DLG2: variants seen among roughly 807,000 people sequenced by gnomAD.
The protein encoded by DLG2 is disks large homolog 2.
In DLG2, 45 loss-of-function variants were observed where a neutral mutation model predicts 132.5. That is an observed-to-expected ratio of 0.34 (90% CI 0.27 to 0.44). DLG2 has a LOEUF of 0.44. DLG2 is among the 20% of genes least tolerant of loss of function. DLG2 has a pLI of 1.00. For synonymous variants in DLG2, 424 were observed against 419.6 expected, an observed-to-expected ratio of 1.01 and a Z score of -0.13; for missense variants, 1,045 against 1,196.9, an observed-to-expected ratio of 0.87 and a Z score of 1.87.
At chr11:84,999,986 A>G (rs2154130138) in intron 6 of DLG2, among the ~76,000 whole-genome samples, 1 of 137,680 alleles carries the variant, frequency 7.3e-6, no homozygotes, top group South Asian at 2.4e-4. Context: ...TCTTTACAAA[A>G]GATCTTAAAT....
At chr11:83,882,438 AG>A (rs1397684248) in intron 15 of DLG2, among the ~76,000 whole-genome samples, 1 of 151,458 alleles carries the variant, frequency 6.6e-6, no homozygotes, top group Admixed American at 6.6e-5. Flanking sequence ...ATAAGTATGA[AG>A]AAAAACATTA....
chr11:85,192,728 A>G (rs1238248000), intron 4 of DLG2, among the ~76,000 whole-genome samples: 3 of 152,142 alleles, frequency 2.0e-5, no homozygotes, highest in African/African-American at 7.2e-5. Context: ...TCTCAGATTC[A>G]TTGTCCCGTA....
chr11:84,928,982 G>GTGTGTGTGTGTATATATATA (rs1400906684), intron 6 of DLG2, among the ~76,000 whole-genome samples: 10 of 49,112 alleles, frequency 2.0e-4, no homozygotes, highest in African/African-American at 3.6e-4. Flanking sequence ...GTGTGTGTGT[G>GTGTGTGTGTGTATATATATA]TATATATATA....
chr11:84,188,836 C>T (rs1312210477), intron 8 of DLG2, among the ~76,000 whole-genome samples: 3 of 152,082 alleles, frequency 2.0e-5, no homozygotes, highest in African/African-American at 7.2e-5. Flanking sequence ...AAAGGGAGGA[C>T]AGTCTGTAGC....
chr11:85,451,967 T>A (rs2092262925), intron 3 of DLG2, among the ~76,000 whole-genome samples: 1 of 152,154 alleles, frequency 6.6e-6, no homozygotes, highest in South Asian at 2.1e-4. Context: ...GTAGCTGAAA[T>A]TTCTTTTTTT....
chr11:84,034,986 G>A (rs530905912), intron 11 of DLG2, among the ~76,000 whole-genome samples: 2 of 152,014 alleles, frequency 1.3e-5, no homozygotes, highest in South Asian at 2.1e-4. Flanking sequence ...AGGTGAACAC[G>A]GCTTAAGAGA....
At chr11:84,720,096 T>C (rs1256477712) in intron 6 of DLG2, among the ~76,000 whole-genome samples, 1 of 152,136 alleles carries the variant, frequency 6.6e-6, no homozygotes, top group African/African-American at 2.4e-5. Flanking sequence ...CCCATCACCA[T>C]TGAGTTATGA....
intron 18 of DLG2, among the ~76,000 whole-genome samples, chr11:83,736,643 T>G (rs919516666): frequency 2.0e-5 from 3 of 152,202 alleles, no homozygotes; most frequent in Non-Finnish European, 4.4e-5. Flanking sequence ...TGTGTATGAT[T>G]TGTTGCTCTG....
At chr11:84,748,158 C>G (rs1391438660) in intron 6 of DLG2, among the ~76,000 whole-genome samples, 3 of 152,158 alleles carry the variant, frequency 2.0e-5, no homozygotes, top group Non-Finnish European at 4.4e-5. Flanking sequence ...GACAGGAAAT[C>G]ATGTGTGAGA....
intron 6 of DLG2, among the ~76,000 whole-genome samples, chr11:84,814,299 C>T (rs1193649432): frequency 6.6e-6 from 1 of 152,036 alleles, no homozygotes; most frequent in Non-Finnish European, 1.5e-5. Context: ...GAGAAAGTCG[C>T]TATCGGGACC....
chr11:85,403,168 A>G (rs911869065), intron 3 of DLG2, among the ~76,000 whole-genome samples: 1 of 152,216 alleles, frequency 6.6e-6, no homozygotes, highest in Admixed American at 6.6e-5. Context: ...AGCCATAAAA[A>G]TGGATGAGTT....
rs576177846 is a variant in DLG2, at chr11:83,737,342, G to A, written c.1825+49348C>T. 9.9e-5 allele frequency among the ~76,000 whole-genome samples: 15 copies of A among 152,266 alleles called. No individual in the cohort carries two copies. The South Asian group carries it at 3.1e-3, about 32-fold the overall frequency. ...ACATTCTCATAAAGAAAAAGTGAGTGGAGGAGAAAAGCAATTAATCAGACA... is the reference window on the plus strand; with the variant it reads ...ACATTCTCATAAAGAAAAAGTGAGTAGAGGAGAAAAGCAATTAATCAGACA... On this transcript the variant is annotated intron_variant, in intron 18 of 27. Coordinates refer to ENST00000376104, the MANE Select transcript of DLG2 (RefSeq NM_001142699.3).
chr11:84,522,954 C>T (rs990649304), intron 7 of DLG2, among the ~76,000 whole-genome samples: 1 of 152,106 alleles, frequency 6.6e-6, no homozygotes, highest in Non-Finnish European at 1.5e-5. Flanking sequence ...CAAAATGTCC[C>T]CAACTCATTT....
At chr11:85,343,977 T>A (rs570398753) in intron 3 of DLG2, among the ~76,000 whole-genome samples, 1 of 152,262 alleles carries the variant, frequency 6.6e-6, no homozygotes, top group African/African-American at 2.4e-5. Flanking sequence ...AAAAAGTGGA[T>A]GTGAAGGAAG....
At chr11:85,582,491 G>A (rs908846606) in intron 3 of DLG2, among the ~76,000 whole-genome samples, 4 of 151,620 alleles carry the variant, frequency 2.6e-5, no homozygotes, top group African/African-American at 9.7e-5. Flanking sequence ...ACAAAATAAT[G>A]ATGATAATCC....
intron 3 of DLG2, among the ~76,000 whole-genome samples, chr11:85,292,836 A>G (rs1393358721): frequency 6.6e-6 from 1 of 152,014 alleles, no homozygotes; most frequent in African/African-American, 2.4e-5. Flanking sequence ...ATTTTCCTCT[A>G]TTAAAAAGAA....
chr11:85,245,360 T>C (rs181079138), intron 4 of DLG2, among the ~76,000 whole-genome samples: 1 of 152,150 alleles, frequency 6.6e-6, no homozygotes, highest in East Asian at 1.9e-4. Flanking sequence ...CCACTCATTC[T>C]TTCTGTTACT....
intron 5 of DLG2, among the ~76,000 whole-genome samples, chr11:85,140,967 C>T (rs1383127453): frequency 6.6e-6 from 1 of 151,872 alleles, no homozygotes; most frequent in East Asian, 1.9e-4. Context: ...TTTCTTTACC[C>T]ATTCATCAGT....
At chr11:84,241,706 C>T (rs1054324312) in intron 8 of DLG2, among the ~76,000 whole-genome samples, 1 of 152,292 alleles carries the variant, frequency 6.6e-6, no homozygotes, top group African/African-American at 2.4e-5. Context: ...TGCAGTATTT[C>T]CTACTTTCAC....
Sources: gnomAD v4.1 joint callset for allele counts (sites outside exome capture counted in the v4.1 genomes callset) on GRCh38, gnomAD v4.1.1 for gene constraint, MANE v1.5 for transcripts, NCBI Gene and HGNC (gene_info 2026-07-23, HGNC 2026-07-21) for gene names.